The following USP47 variants were observed in gnomAD, a reference collection of about 807,000 sequenced individuals.
The protein encoded by USP47 is ubiquitin carboxyl-terminal hydrolase 47.
A neutral mutation model predicts 165.1 loss-of-function variants in USP47; 35 were observed. The ratio of observed to expected loss-of-function variants is 0.21; its 90% CI spans 0.16 to 0.28. The LOEUF (loss-of-function observed/expected upper bound fraction) is 0.28. Among genes scored for constraint, USP47 ranks in the 10% least tolerant of loss-of-function variants. USP47 has a pLI of 1.00. For synonymous variants in USP47, 531 were observed against 544.5 expected (o/e 0.98, Z 0.35); for missense variants, 1,277 against 1,607.4 (o/e 0.79, Z 3.52).
chr11:11,846,480 T>G (rs1848433075), intron 1 of USP47, among the ~76,000 whole-genome samples: 1 of 152,008 alleles, frequency 6.6e-6, no homozygotes. Flanking sequence ...ATGGAAAAAA[T>G]GAAGGAAAAA....
At chr11:11,890,146 C>G (rs1189859156) in intron 3 of USP47, among the ~76,000 whole-genome samples, 3 of 152,058 alleles carry the variant, frequency 2.0e-5, no homozygotes, top group Non-Finnish European at 4.4e-5. Flanking sequence ...GGTACAGGCA[C>G]AGATTTCATG....
At chr11:11,923,061 T>TATATAC (rs1853970505) in intron 11 of USP47, among the ~76,000 whole-genome samples, 170 bp downstream of exon 11, 1 of 124,026 alleles carries the variant, frequency 8.1e-6, no homozygotes, top group African/African-American at 3.9e-5. Flanking sequence ...TATATATATA[T>TATATAC]ATATATATAT....
At chr11:11,910,260 C>CA (rs1457996466) in intron 8 of USP47, among the ~76,000 whole-genome samples, 1 of 152,148 alleles carries the variant, frequency 6.6e-6, no homozygotes, top group Non-Finnish European at 1.5e-5. Context: ...CAAGGAATAA[C>CA]ACGGTGGTGA....
intron 1 of USP47, chr11:11,873,786 C>G (rs922590464): frequency 7.2e-7 from 1 of 1,394,320 alleles, no homozygotes; most frequent in African/African-American, 1.5e-5. Flanking sequence ...TCATTTTGTT[C>G]TTATATACCA....
rs745967101 is a variant in USP47 at position 11,938,323 on chromosome 11, G to C, written c.2144G>C (p.Arg715Pro). Residue 715 changes from arginine (R) to proline (P), a missense_variant, in exon 18 of 28, where the codon CGT becomes CCT. Around this residue, in one of 4 missense-constraint regions of USP47, gnomAD observed 909 missense variants for 1,068.1 expected, o/e 0.85. Transcript: ENST00000527733. ...TCTGTAGCTGCTCCTATAACTGTTC[G>C]TGCTTACTTAAATCAGACAGTTACA... ...AESVAAPITV[R>P]AYLNQTVTEF... 1 of 1,611,952 alleles carries C rather than the reference G, an allele frequency of 6.2e-7. No individual in the cohort carries two copies. The highest frequency in any genetic ancestry group is 1.3e-5 in the African/African-American group (1 of 74,780).
rs1417355437 is a variant in USP47 at position 11,956,314 on chromosome 11, T to C, written c.*139T>C. Reference sequence around the variant, plus strand: ...CACTGATTGGACTGCCCTACACCAATCAGAAGCTCAGTGCCCAATGGGCCA... The same window carrying C: ...CACTGATTGGACTGCCCTACACCAACCAGAAGCTCAGTGCCCAATGGGCCA... On this transcript the variant is annotated 3_prime_UTR_variant, in exon 28 of 28. Coordinates refer to ENST00000527733, the MANE Select transcript of USP47 (RefSeq NM_001282659.2). 1.3e-6 allele frequency: 1 copy of C among 749,936 alleles called. No individual in the cohort carries two copies. The highest frequency in any genetic ancestry group is 2.1e-6 in the Non-Finnish European group (1 of 478,706). The allele number at this position is 749,936 out of a possible 1,614,324, so 46.5% of individuals were successfully genotyped here.
chr11:11,872,503 C>T (rs77548246), intron 1 of USP47, among the ~76,000 whole-genome samples: 2,645 of 152,144 alleles, frequency 0.017, 59 homozygotes, highest in East Asian at 0.083. Flanking sequence ...TTTTAAAGCC[C>T]CACAGCAGTG....
At chr11:11,945,939 C>G (rs560478997) in intron 20 of USP47, among the ~76,000 whole-genome samples, 12 of 142,688 alleles carry the variant, frequency 8.4e-5, no homozygotes, top group East Asian at 8.0e-4. Context: ...TGTCCCCCCC[C>G]CAAAAAAAAA....
At chr11:11,888,234 A>C (rs1590308440) in intron 3 of USP47, among the ~76,000 whole-genome samples, 1 of 151,436 alleles carries the variant, frequency 6.6e-6, no homozygotes, top group African/African-American at 2.4e-5. Flanking sequence ...TGAAGGAGAT[A>C]GATAGAGACA....
At chr11:11,899,721 A>T (rs1333005773) in intron 5 of USP47, among the ~76,000 whole-genome samples, 1 of 152,164 alleles carries the variant, frequency 6.6e-6, no homozygotes, top group Non-Finnish European at 1.5e-5. Flanking sequence ...AAAAGAAACT[A>T]GAAATCCGTT....
intron 24 of USP47, chr11:11,951,479 A>G (rs1856220790): frequency 2.0e-5 from 3 of 152,144 alleles, no homozygotes; most frequent in African/African-American, 7.2e-5. Flanking sequence ...CATTTAAAGT[A>G]TTGGTGTTTG....
rs558495062 is a variant in USP47 at position 11,884,406 on chromosome 11, A to G, written c.244-61A>G. ...ACTATTTAAATGTAGATATGTATCT[A>G]TTTACAGATTACTTATTTTATGTTT... On this transcript the variant is annotated intron_variant, in intron 2 of 27. Coordinates refer to ENST00000527733, the MANE Select transcript of USP47 (RefSeq NM_001282659.2). The G allele has an allele frequency of 2.4e-3, 2,920 of 1,213,440 alleles. 4 individuals are homozygous for G. The highest frequency in any genetic ancestry group is 3.0e-3 in the Non-Finnish European group (2,611 of 863,654). 75.2% of individuals were successfully genotyped at this position (1,213,440 alleles called of 1,614,324 possible). A position where few individuals can be genotyped will look rare whatever the true frequency, so the allele number is the denominator to read the frequency against.
chr11:11,940,582 T>C, intron 19 of USP47, 34 bp downstream of exon 19: 6 of 1,602,530 alleles, frequency 3.7e-6, no homozygotes, highest in Non-Finnish European at 5.1e-6. Flanking sequence ...CTATTTTCTA[T>C]GCTGGTAGTA....
intron 8 of USP47, among the ~76,000 whole-genome samples, chr11:11,911,182 G>A (rs1173717531): frequency 6.6e-6 from 1 of 152,110 alleles, no homozygotes; most frequent in Non-Finnish European, 1.5e-5. Context: ...AGTCTAAACA[G>A]CAGAGAGAAG....
At chr11:11,919,860 T>C (rs548755248) in intron 8 of USP47, among the ~76,000 whole-genome samples, 1 of 152,016 alleles carries the variant, frequency 6.6e-6, no homozygotes, top group East Asian at 1.9e-4. Flanking sequence ...AGGATATTTT[T>C]AGAGATTATT....
At chr11:11,889,905 A>G (rs1377616918) in intron 3 of USP47, among the ~76,000 whole-genome samples, 2 of 152,162 alleles carry the variant, frequency 1.3e-5, no homozygotes, top group South Asian at 2.1e-4. Flanking sequence ...AAGACCACAC[A>G]TCTACAACCG....
intron 27 of USP47, among the ~76,000 whole-genome samples, chr11:11,955,507 C>G (rs952321477): frequency 1.7e-4 from 26 of 152,172 alleles, no homozygotes; most frequent in Admixed American, 1.2e-3. Flanking sequence ...CAGCACATCT[C>G]AATTTGAACC....
intron 1 of USP47, among the ~76,000 whole-genome samples, chr11:11,855,233 A>G (rs1400239598): frequency 6.6e-6 from 1 of 152,260 alleles, no homozygotes; most frequent in Non-Finnish European, 1.5e-5. Context: ...AATTCACTAG[A>G]TTAACACATT....
chr11:11,954,924 G>C lies in USP47; in HGVS notation c.3742G>C (p.Asp1248His). The C allele has an allele frequency of 6.2e-7, 1 of 1,613,876 alleles. No individual in the cohort carries two copies. Among genetic ancestry groups the C allele is most frequent in the Non-Finnish European group, 8.5e-7 (1 of 1,179,946 alleles). The change falls in exon 26 of 28, where the codon GAT becomes CAT. Residue 1248 changes from aspartate (D) to histidine (H), a missense_variant. Around this residue, in one of 4 missense-constraint regions of USP47, gnomAD observed 909 missense variants for 1,068.1 expected, o/e 0.85. Transcript: ENST00000527733. Reference protein sequence around the residue: ...KLSEISGIPLDDIEFAKGRGT... With the variant: ...KLSEISGIPLHDIEFAKGRGT... ...TAGTGAAATCAGTGGGATTCCTTTGGATGATATTGAATTTGCTAAGGTAAA... is the reference window on the plus strand; with the variant it reads ...TAGTGAAATCAGTGGGATTCCTTTGCATGATATTGAATTTGCTAAGGTAAA...
Sources: allele counts gnomAD v4.1 joint callset (sites outside exome capture counted in the v4.1 genomes callset), GRCh38; gene constraint gnomAD v4.1.1; regional missense constraint gnomAD v4.1.1; transcripts MANE v1.5; gene names NCBI Gene and HGNC (gene_info 2026-07-23, HGNC 2026-07-21).